The following THSD7B variants were observed in gnomAD, a reference collection of about 807,000 sequenced individuals.
The protein encoded by THSD7B is thrombospondin type-1 domain-containing protein 7B.
In THSD7B, 138 loss-of-function variants were observed where a neutral mutation model predicts 213.6. The observed-to-expected ratio is 0.65, with a 90% CI of 0.56 to 0.74. THSD7B has a LOEUF of 0.74. THSD7B is among the 30% of genes least tolerant of loss of function. THSD7B has a pLI of 0.00. For missense variants in THSD7B, 1,931 were observed against 1,991.5 expected, an observed-to-expected ratio of 0.97 and a Z score of 0.58; for synonymous variants, 742 against 687.0, an observed-to-expected ratio of 1.08 and a Z score of -1.25.
At chr2:136,938,634 G>A (rs1265187639) in intron 2 of THSD7B, among the ~76,000 whole-genome samples, 2 of 151,946 alleles carry the variant, frequency 1.3e-5, no homozygotes, top group African/African-American at 4.8e-5. Context: ...AATGTTCTCT[G>A]CTTTTGTTGC....
chr2:137,529,680 G>C (rs1680359772), intron 15 of THSD7B, among the ~76,000 whole-genome samples: 1 of 150,858 alleles, frequency 6.6e-6, no homozygotes, highest in East Asian at 2.0e-4. Flanking sequence ...AAATTCAAAT[G>C]GAAAGTTTAA....
At chr2:137,401,394 C>A (rs1262372855) in intron 12 of THSD7B, among the ~76,000 whole-genome samples, 1 of 152,026 alleles carries the variant, frequency 6.6e-6, no homozygotes, top group Admixed American at 6.6e-5. Flanking sequence ...ATTTTCATAC[C>A]CTCTAGTATA....
chr2:137,140,850 T>C (rs1036792286), intron 5 of THSD7B, among the ~76,000 whole-genome samples: 1 of 152,076 alleles, frequency 6.6e-6, no homozygotes, highest in Non-Finnish European at 1.5e-5. Flanking sequence ...ACATGCAATA[T>C]AGAAAAATTA....
intron 1 of THSD7B, among the ~76,000 whole-genome samples, chr2:136,797,081 G>A (rs537858063): frequency 8.6e-5 from 13 of 151,828 alleles, no homozygotes; most frequent in African/African-American, 3.1e-4. Context: ...TAAGTGAAAT[G>A]TCTGGAACTT....
At chr2:137,204,039 A>G (rs1255953171) in intron 7 of THSD7B, among the ~76,000 whole-genome samples, 1 of 152,102 alleles carries the variant, frequency 6.6e-6, no homozygotes, top group Non-Finnish European at 1.5e-5. Context: ...AGCTGCTAGG[A>G]AATCAACATC....
chr2:137,614,459 C>T (rs1282421977), intron 17 of THSD7B, among the ~76,000 whole-genome samples: 1 of 152,072 alleles, frequency 6.6e-6, no homozygotes, highest in Non-Finnish European at 1.5e-5. Flanking sequence ...TTGTTTCAGA[C>T]ATTAATTGAT....
intron 12 of THSD7B, among the ~76,000 whole-genome samples, chr2:137,321,356 GAATT>G (rs1269484503): frequency 1.3e-5 from 2 of 152,238 alleles, no homozygotes; most frequent in African/African-American, 2.4e-5. Context: ...AGTATCTTTT[GAATT>G]AATTAATAGT....
chr2:136,918,325 CTT>C (rs1471797467), intron 2 of THSD7B, among the ~76,000 whole-genome samples: 2 of 149,952 alleles, frequency 1.3e-5, no homozygotes, highest in African/African-American at 2.5e-5. Flanking sequence ...AGCCAGGTCT[CTT>C]TCATTTTTAT....
At chr2:136,910,713 G>A (rs1037398876) in intron 2 of THSD7B, among the ~76,000 whole-genome samples, 14 of 152,078 alleles carry the variant, frequency 9.2e-5, no homozygotes, top group South Asian at 8.3e-4. Flanking sequence ...TTGAATGCCG[G>A]TTTTGCTACT....
intron 10 of THSD7B, among the ~76,000 whole-genome samples, chr2:137,246,682 C>CT (rs1264883636): frequency 6.6e-6 from 1 of 152,114 alleles, no homozygotes; most frequent in Non-Finnish European, 1.5e-5. Context: ...AACCAAAGGT[C>CT]TATCAAGCTT....
At chr2:137,061,661 A>T (rs1687276151) in intron 3 of THSD7B, among the ~76,000 whole-genome samples, 1 of 151,786 alleles carries the variant, frequency 6.6e-6, no homozygotes, top group Non-Finnish European at 1.5e-5. Flanking sequence ...TATGGATTAC[A>T]TTAATTGATT....
At chr2:137,475,376 A>G (rs191862592) in intron 15 of THSD7B, among the ~76,000 whole-genome samples, 4 of 152,240 alleles carry the variant, frequency 2.6e-5, no homozygotes, top group Admixed American at 1.3e-4. Flanking sequence ...TGAACTATAC[A>G]ATATGTTGTT....
At chr2:137,544,401 T>C (rs1456283994) in intron 15 of THSD7B, among the ~76,000 whole-genome samples, 1 of 151,924 alleles carries the variant, frequency 6.6e-6, no homozygotes, top group African/African-American at 2.4e-5. Context: ...GGCAAATTCA[T>C]AGAAGCAGAA....
intron 15 of THSD7B, among the ~76,000 whole-genome samples, chr2:137,479,954 T>C (rs1054757932): frequency 2.6e-5 from 4 of 152,142 alleles, no homozygotes; most frequent in African/African-American, 7.2e-5. Context: ...TCAGGGGGTC[T>C]CCCATGGCTA....
At chr2:137,379,915 C>T (rs748498746) in intron 12 of THSD7B, among the ~76,000 whole-genome samples, 4 of 152,180 alleles carry the variant, frequency 2.6e-5, no homozygotes, top group Non-Finnish European at 4.4e-5. Context: ...GCAATTCATC[C>T]TCTTCCCTGC....
intron 17 of THSD7B, among the ~76,000 whole-genome samples, chr2:137,575,645 C>T (rs1203018529): frequency 6.6e-6 from 1 of 151,338 alleles, no homozygotes; most frequent in Non-Finnish European, 1.5e-5. Context: ...AAATACAATT[C>T]AAGGAGGAAT....
intron 1 of THSD7B, among the ~76,000 whole-genome samples, chr2:136,874,188 A>G (rs1202272843): frequency 2.0e-5 from 3 of 151,848 alleles, no homozygotes. Context: ...GTGGGAGATC[A>G]TTGAGGTCAC....
At chr2:137,141,183 G>A (rs984295) in intron 5 of THSD7B, among the ~76,000 whole-genome samples, 102,135 of 151,944 alleles carry the variant, frequency 0.67, 36,034 homozygotes, top group Non-Finnish European at 0.77. Context: ...TGTATTGGCC[G>A]AGGCAAGGGT....
chr2:137,581,709 G>A (rs1489516168), intron 17 of THSD7B, among the ~76,000 whole-genome samples: 3 of 147,800 alleles, frequency 2.0e-5, no homozygotes, highest in South Asian at 2.1e-4. Flanking sequence ...GCAGTGAGCC[G>A]AGATCCCGCC....
Sources: allele counts gnomAD v4.1 joint callset (sites outside exome capture counted in the v4.1 genomes callset), GRCh38; gene constraint gnomAD v4.1.1; transcripts MANE v1.5; gene names NCBI Gene and HGNC (gene_info 2026-07-23, HGNC 2026-07-21).